The following OSBPL3 variants were observed in gnomAD, a reference collection of about 807,000 sequenced individuals.
The protein encoded by OSBPL3 is oxysterol binding protein like 3.
A neutral mutation model predicts 120.1 loss-of-function variants in OSBPL3; 65 were observed. That is an observed-to-expected ratio of 0.54 (90% CI 0.44 to 0.67). The LOEUF (loss-of-function observed/expected upper bound fraction) is 0.67. Among genes scored for constraint, OSBPL3 ranks in the 30% least tolerant of loss-of-function variants. OSBPL3 has a pLI of 0.00. For missense variants in OSBPL3, 1,004 were observed against 1,082.1 expected, an observed-to-expected ratio of 0.93 and a Z score of 1.01; for synonymous variants, 416 against 402.6, an observed-to-expected ratio of 1.03 and a Z score of -0.40.
At chr7:24,848,973 C>A in intron 12 of OSBPL3, 96 bp downstream of exon 12, 1 of 825,988 alleles carries the variant, frequency 1.2e-6, no homozygotes, top group South Asian at 1.5e-5. Flanking sequence ...GGACAGCACC[C>A]ATGAGGGGAA....
At chr7:24,976,321 A>G (rs1257026748) in intron 1 of OSBPL3, among the ~76,000 whole-genome samples, 1 of 152,236 alleles carries the variant, frequency 6.6e-6, no homozygotes, top group East Asian at 1.9e-4. Context: ...AGAATTTTTA[A>G]CAACATAATG....
At chr7:24,969,219 C>T (rs1358163600) in intron 1 of OSBPL3, among the ~76,000 whole-genome samples, 4 of 152,184 alleles carry the variant, frequency 2.6e-5, no homozygotes, top group Non-Finnish European at 5.9e-5. Flanking sequence ...ATGAAGTTTT[C>T]ATTTGCATTT....
chr7:24,945,959 T>C (rs1813673554), intron 1 of OSBPL3, among the ~76,000 whole-genome samples: 1 of 152,180 alleles, frequency 6.6e-6, no homozygotes, highest in East Asian at 1.9e-4. Flanking sequence ...ATTTAAATGG[T>C]GAAGAATTCA....
Position 24,871,645 on chromosome 7 carries a change from G to A in OSBPL3, c.267+97C>T, listed in dbSNP as rs1802128066. 3 of 919,212 alleles carry A rather than the reference G, an allele frequency of 3.3e-6. No homozygotes were observed. Among genetic ancestry groups the A allele is most frequent in the Non-Finnish European group, 3.5e-6 (2 of 579,706 alleles). The allele number at this position is 919,212 out of a possible 1,614,324, so 56.9% of individuals were successfully genotyped here. On this transcript the variant is annotated intron_variant, in intron 4 of 22. Transcript: ENST00000313367. The surrounding 1 kb of genome is among the most constrained non-coding windows in gnomAD (Gnocchi z 4.8). ...TCCCCTCTATGGTTTCCAGTTCCGA[G>A]AAAAGCTATCCTCAACTATACACAC...
rs1802498865 is a variant in OSBPL3, at chr7:24,873,864, AT to A, written c.97-1796del. Among the ~76,000 whole-genome samples, 1 of 152,126 alleles carries A rather than the reference AT, an allele frequency of 6.6e-6. No homozygotes were observed. The highest frequency in any genetic ancestry group is 2.4e-5 in the African/African-American group (1 of 41,422). ...TGTCAAGTTAAAAATTCCACCTCAA[AT>A]TTCACCTCCTCCAGTGGAAAATACC... is the stretch of plus-strand genomic sequence containing the variant. On this transcript the variant is annotated intron_variant, in intron 2 of 22. Coordinates refer to ENST00000313367, the MANE Select transcript of OSBPL3 (RefSeq NM_015550.4). This position sits in a 1 kb window ranked among gnomAD's most constrained non-coding sequence, Gnocchi z 4.1.
rs1330184049 is a variant in OSBPL3 at position 24,854,455 on chromosome 7, AC to A, written c.1028-1822del. ...CTGAGGTTGTGGCATTTAGTGATGG[AC>A]CTGAAACATCTTAACAAAGTCACAA... On this transcript the variant is annotated intron_variant, in intron 10 of 22. Transcript: ENST00000313367. The surrounding 1 kb of genome is among the most constrained non-coding windows in gnomAD (Gnocchi z 4.1). 2.6e-5 allele frequency among the ~76,000 whole-genome samples: 4 copies of A among 151,626 alleles called. No homozygotes were observed. The highest frequency in any genetic ancestry group is 9.7e-5 in the African/African-American group (4 of 41,206).
rs964846275 is a variant in OSBPL3 at position 24,820,338 on chromosome 7, T to G, written c.1885-100A>C. The G allele has an allele frequency of 3.5e-6, 3 of 862,960 alleles. No individual in the cohort carries two copies. 53.5% of individuals were successfully genotyped at this position (862,960 alleles called of 1,614,324 possible). ...TGCACTGAGATGTAACAGCGTGCAA[T>G]GCTGAACTGAAGGAAAAACTTCTTT... On this transcript the variant is annotated intron_variant, in intron 16 of 22. Transcript: ENST00000313367. The surrounding 1 kb of genome is among the most constrained non-coding windows in gnomAD (Gnocchi z 4.6).
At position 24,861,764 on chromosome 7, in the gene OSBPL3, C is replaced by A. The variant is rs751354870; in HGVS notation, c.876G>T (p.Pro292=). Residue 292 remains proline (P), a synonymous_variant, in exon 10 of 23, where the codon CCG becomes CCT. Coordinates refer to ENST00000313367, the MANE Select transcript of OSBPL3 (RefSeq NM_015550.4). ...GKDAKGTLQV[P]KPFSGPVRLH... ...GTCTTACTGGGCCAGAAAAAGGTTT[C>A]GGGACCTGAAGTAACACCAAAGGGA... 6.3e-7 allele frequency: 1 copy of A among 1,585,772 alleles called. No homozygotes were observed.
In OSBPL3 at chr7:24,910,961, C is replaced by A. The variant is rs182611078; in HGVS notation, c.-149-18340G>T. On this transcript the variant is annotated intron_variant, in intron 1 of 22. Transcript: ENST00000313367. ...TGGTGCCATTTCATACTAACTGGTC[C>A]AGACACTGGGGATGAGGCCAGGGCA... is the stretch of plus-strand genomic sequence containing the variant. 6.1e-3 allele frequency among the ~76,000 whole-genome samples: 928 copies of A among 152,302 alleles called. 6 individuals are homozygous for A. Among genetic ancestry groups the A allele is most frequent in the Non-Finnish European group, 1.0e-2 (679 of 68,020 alleles).
At chr7:24,956,323 G>A (rs770579721) in intron 1 of OSBPL3, among the ~76,000 whole-genome samples, 12 of 152,240 alleles carry the variant, frequency 7.9e-5, no homozygotes, top group Non-Finnish European at 7.3e-5. Flanking sequence ...TTCCACATGC[G>A]CAAAGGATGC....
chr7:24,957,878 G>A (rs1374641954), intron 1 of OSBPL3, among the ~76,000 whole-genome samples: 2 of 152,052 alleles, frequency 1.3e-5, no homozygotes, highest in Non-Finnish European at 2.9e-5. Context: ...CCCAGTTTTT[G>A]CATAAATGCC....
rs181485834 is a variant in OSBPL3 at position 24,824,944 on chromosome 7, A to G, written c.1885-4706T>C. On this transcript the variant is annotated intron_variant, in intron 16 of 22. Transcript: ENST00000313367. This position sits in a 1 kb window ranked among gnomAD's most constrained non-coding sequence, Gnocchi z 4.9. ...ACACAGCAAAGGCCAATGGCTGGAA[A>G]ATGCTTGGTATGAAGCAGAAGAAGC... 6.6e-6 allele frequency among the ~76,000 whole-genome samples: 1 copy of G among 152,302 alleles called. No individual in the cohort carries two copies. The highest frequency in any genetic ancestry group is 6.5e-5 in the Admixed American group (1 of 15,292).
At chr7:24,979,756 G>A in intron 1 of OSBPL3, 130 bp downstream of exon 1, 3 of 422,340 alleles carry the variant, frequency 7.1e-6, no homozygotes, top group Non-Finnish European at 9.5e-6. Context: ...GAGCCTCCCC[G>A]GGCGACTCGG....
chr7:24,828,479 A>G (rs1235973743), intron 16 of OSBPL3, among the ~76,000 whole-genome samples: 1 of 151,862 alleles, frequency 6.6e-6, no homozygotes, highest in African/African-American at 2.4e-5. Context: ...ATGGTGGCAC[A>G]AGCCTGTAGT....
intron 1 of OSBPL3, among the ~76,000 whole-genome samples, chr7:24,908,358 G>A (rs1455985236): frequency 6.6e-6 from 1 of 152,202 alleles, no homozygotes; most frequent in East Asian, 1.9e-4. Flanking sequence ...GTGATTATCT[G>A]ATTGAATCTC....
rs188332256 is a variant in OSBPL3, at chr7:24,965,000, T to C, written c.-150+14886A>G. ...TAGGCATGTTGTATTAATTAATTATTGTGCTTTTCTTATTATTTGTAATTG... is the reference window on the plus strand; with the variant it reads ...TAGGCATGTTGTATTAATTAATTATCGTGCTTTTCTTATTATTTGTAATTG... On this transcript the variant is annotated intron_variant, in intron 1 of 22. Coordinates refer to ENST00000313367, the MANE Select transcript of OSBPL3 (RefSeq NM_015550.4). The surrounding 1 kb of genome is among the most constrained non-coding windows in gnomAD (Gnocchi z 4.2). Among the ~76,000 whole-genome samples the C allele has an allele frequency of 2.8e-4, 42 of 152,358 alleles. No homozygotes were observed. In the East Asian group the frequency reaches 7.7e-3, roughly 28 times the overall value.
In OSBPL3 at chr7:24,872,446, AGAGTGT is replaced by A. The variant is rs935966393; in HGVS notation, c.97-383_97-378del. On this transcript the variant is annotated intron_variant, in intron 2 of 22. Coordinates refer to ENST00000313367, the MANE Select transcript of OSBPL3 (RefSeq NM_015550.4). This position sits in a 1 kb window ranked among gnomAD's most constrained non-coding sequence, Gnocchi z 4.1. ...CTTCAGTCTGAATTTTAACCGAAAG[AGAGTGT>A]GTGTGTGTGTGTGTGTGTGTGTGTG... Among the ~76,000 whole-genome samples, 8 of 83,390 alleles carry A rather than the reference AGAGTGT, an allele frequency of 9.6e-5. No homozygotes were observed. Among genetic ancestry groups the A allele is most frequent in the African/African-American group, 3.1e-4 (7 of 22,382 alleles). The allele number at this position is 83,390 out of a possible 152,430, so 54.7% of individuals were successfully genotyped here. A position where few individuals can be genotyped will look rare whatever the true frequency, so the allele number is the denominator to read the frequency against.
In OSBPL3 at chr7:24,877,557, T is replaced by C. The variant is rs959959207; in HGVS notation, c.97-5488A>G. Among the ~76,000 whole-genome samples the C allele has an allele frequency of 6.6e-6, 1 of 152,150 alleles. No individual in the cohort carries two copies. Among genetic ancestry groups the C allele is most frequent in the Non-Finnish European group, 1.5e-5 (1 of 68,018 alleles). On this transcript the variant is annotated intron_variant, in intron 2 of 22. Coordinates refer to ENST00000313367, the MANE Select transcript of OSBPL3 (RefSeq NM_015550.4). The surrounding 1 kb of genome is among the most constrained non-coding windows in gnomAD (Gnocchi z 4.8). ...GAGGACAGGGACTGTGTCTTATTTATTACAATCCTACTACCTGGGAAATAG... is the reference window on the plus strand; with the variant it reads ...GAGGACAGGGACTGTGTCTTATTTACTACAATCCTACTACCTGGGAAATAG...
rs370274395 is a variant in OSBPL3, at chr7:24,917,401, C to CATACATATATATATATATATAT, written c.-149-24781_-149-24780insATATATATATATATATATGTAT. On this transcript the variant is annotated intron_variant, in intron 1 of 22. Coordinates refer to ENST00000313367, the MANE Select transcript of OSBPL3 (RefSeq NM_015550.4). ...TTGTAACATATATATATATTTGTAA[C>CATACATATATATATATATATAT]ATATATATATATATATATATATATA... 9.0e-5 allele frequency among the ~76,000 whole-genome samples: 9 copies of CATACATATATATATATATATAT among 100,066 alleles called. 1 individual carries two copies. The East Asian group carries it at 3.0e-3, about 34-fold the overall frequency. 65.6% of individuals were successfully genotyped at this position (100,066 alleles called of 152,430 possible).
Sources: allele counts gnomAD v4.1 joint callset (sites outside exome capture counted in the v4.1 genomes callset), GRCh38; gene constraint gnomAD v4.1.1; non-coding constraint Gnocchi (gnomAD v3.1); transcripts MANE v1.5; gene names NCBI Gene and HGNC (gene_info 2026-07-23, HGNC 2026-07-21).